MAPKAPK2: variants seen among roughly 807,000 people sequenced by gnomAD.
The protein encoded by MAPKAPK2 is MAPK activated protein kinase 2.
Under a neutral mutation model 48.8 loss-of-function variants are expected in MAPKAPK2, and 9 were observed. The observed-to-expected ratio is 0.18, with a 90% CI of 0.11 to 0.32. The LOEUF is 0.32. Among genes scored for constraint, MAPKAPK2 ranks in the 10% least tolerant of loss-of-function variants. The pLI, the probability that MAPKAPK2 is intolerant of heterozygous loss-of-function variation, is 1.00. For missense variants in MAPKAPK2, 331 were observed against 498.3 expected, an observed-to-expected ratio of 0.66 and a Z score of 3.20; for synonymous variants, 202 against 190.6, an observed-to-expected ratio of 1.06 and a Z score of -0.49.
In MAPKAPK2 at chr1:206,732,886, G is replaced by GCCTCTCCC; in HGVS notation, c.*168_*169insCCTCTCCC. 1.3e-6 allele frequency: 1 copy of GCCTCTCCC among 756,030 alleles called. No individual in the cohort carries two copies. Among genetic ancestry groups the GCCTCTCCC allele is most frequent in the Non-Finnish European group, 2.0e-6 (1 of 488,400 alleles). The allele number at this position is 756,030 out of a possible 1,614,324, so 46.8% of individuals were successfully genotyped here. On this transcript the variant is annotated 3_prime_UTR_variant, in exon 10 of 10. Transcript: ENST00000367103. This position sits in a 1 kb window ranked among gnomAD's most constrained non-coding sequence, Gnocchi z 4.4. Reference sequence around the variant, plus strand: ...TTCTGCCTTGGTTCTGGCCACCCCAGAGTGGGAGAGGCTGGGAGGTTGGGA... The same window carrying GCCTCTCCC: ...TTCTGCCTTGGTTCTGGCCACCCCAGCCTCTCCCAGTGGGAGAGGCTGGGAGGTTGGGA...
In MAPKAPK2 at chr1:206,728,928, A is replaced by G. The variant is rs556258970; in HGVS notation, c.419+79A>G. On this transcript the variant is annotated intron_variant, in intron 2 of 9. Coordinates refer to ENST00000367103, the MANE Select transcript of MAPKAPK2 (RefSeq NM_032960.4). Reference sequence around the variant, plus strand: ...GCACCTTACCCTCTGAGGACAGCCCAGGGATGGGCCTGAAGCCTGGAATGT... The same window carrying G: ...GCACCTTACCCTCTGAGGACAGCCCGGGGATGGGCCTGAAGCCTGGAATGT... The G allele has an allele frequency of 3.1e-6, 5 of 1,612,420 alleles. No homozygotes were observed. In the African/African-American group the frequency reaches 6.7e-5, roughly 22 times the overall value.
At position 206,713,161 on chromosome 1, in the gene MAPKAPK2, A is replaced by G. The variant is rs367657550; in HGVS notation, c.280-15549A>G. ...CCAAGAGGTACATGGTCCACAGTGA[A>G]AAGAGAAACCGTTTTATAAATCCCA... On this transcript the variant is annotated intron_variant, in intron 1 of 9. Transcript: ENST00000367103. Among the ~76,000 whole-genome samples the G allele has an allele frequency of 1.1e-3, 174 of 152,328 alleles. 1 individual carries two copies. Among genetic ancestry groups the G allele is most frequent in the African/African-American group, 4.1e-3 (170 of 41,582 alleles).
At chr1:206,727,280 C>T (rs1673730161) in intron 1 of MAPKAPK2, among the ~76,000 whole-genome samples, 1 of 152,214 alleles carries the variant, frequency 6.6e-6, no homozygotes, top group South Asian at 2.1e-4. Flanking sequence ...TTCATTTAAT[C>T]CTCACAACAA....
chr1:206,700,265 G>A (rs557936791), intron 1 of MAPKAPK2, among the ~76,000 whole-genome samples: 8 of 152,200 alleles, frequency 5.3e-5, no homozygotes, highest in Admixed American at 4.6e-4. Context: ...CCTTGAGAGA[G>A]AATCCTCTCC....
Position 206,732,366 on chromosome 1 carries a change from C to A in MAPKAPK2, c.1060-209C>A, listed in dbSNP as rs1384346879. ...GGGCTCTCAGGGAACAGCAGCAGTG[C>A]CATAGCCAGGCTCTCTGCTGCCCAG... On this transcript the variant is annotated intron_variant, in intron 9 of 9. Coordinates refer to ENST00000367103, the MANE Select transcript of MAPKAPK2 (RefSeq NM_032960.4). The surrounding 1 kb of genome is among the most constrained non-coding windows in gnomAD (Gnocchi z 4.4). 6.9e-7 allele frequency: 1 copy of A among 1,446,732 alleles called. No individual in the cohort carries two copies. Among genetic ancestry groups the A allele is most frequent in the Non-Finnish European group, 9.1e-7 (1 of 1,102,018 alleles). 89.6% of individuals were successfully genotyped at this position (1,446,732 alleles called of 1,614,324 possible).
At chr1:206,685,987 C>A (rs1657267032) in intron 1 of MAPKAPK2, among the ~76,000 whole-genome samples, 1 of 152,170 alleles carries the variant, frequency 6.6e-6, no homozygotes, top group Non-Finnish European at 1.5e-5. Flanking sequence ...TAGCCTCGCT[C>A]CTTATTTGGG....
intron 1 of MAPKAPK2, among the ~76,000 whole-genome samples, chr1:206,725,454 T>G (rs11119383): frequency 0.018 from 2,731 of 152,292 alleles, 83 homozygotes; most frequent in African/African-American, 0.061. Context: ...TACTGTGGCA[T>G]TAATGGTACT....
chr1:206,724,436 C>T (rs888634603), intron 1 of MAPKAPK2, among the ~76,000 whole-genome samples: 6 of 152,238 alleles, frequency 3.9e-5, no homozygotes, highest in South Asian at 2.1e-4. Flanking sequence ...GCCCCCAGGA[C>T]GTCAGCCAGC....
chr1:206,725,169 ACT>A (rs1200610715), intron 1 of MAPKAPK2, among the ~76,000 whole-genome samples: 1 of 152,084 alleles, frequency 6.6e-6, no homozygotes, highest in Non-Finnish European at 1.5e-5. Context: ...TCTTGCACAA[ACT>A]CTCCTTTGCC....
chr1:206,717,529 TG>T (rs1359146920), intron 1 of MAPKAPK2, among the ~76,000 whole-genome samples: 1 of 152,204 alleles, frequency 6.6e-6, no homozygotes, highest in African/African-American at 2.4e-5. Context: ...AGCAGTGGTT[TG>T]GGGCTTTGGG....
In MAPKAPK2 at chr1:206,734,192, C is replaced by T. The variant is rs1358510557; in HGVS notation, c.*1474C>T. 6.5e-6 allele frequency: 1 copy of T among 152,844 alleles called. No individual in the cohort carries two copies. The highest frequency in any genetic ancestry group is 1.5e-5 in the Non-Finnish European group (1 of 68,066). 9.5% of individuals were successfully genotyped at this position (152,844 alleles called of 1,614,324 possible). ...GGCGCTGGGTGCCTGCAGCGCCTCC[C>T]TTGTCTCAGATGGTGTGTCCAGCAC... On this transcript the variant is annotated 3_prime_UTR_variant, in exon 10 of 10. Coordinates refer to ENST00000367103, the MANE Select transcript of MAPKAPK2 (RefSeq NM_032960.4).
intron 1 of MAPKAPK2, among the ~76,000 whole-genome samples, chr1:206,715,009 A>G (rs1221299345): frequency 1.3e-5 from 2 of 152,112 alleles, no homozygotes; most frequent in Admixed American, 6.6e-5. Flanking sequence ...AACCACTGCC[A>G]GCAGTGGTTC....
chr1:206,731,842 T>A lies in MAPKAPK2; in HGVS notation c.982T>A (p.Ser328Thr), dbSNP rs782072519. ...GACCCCTTTTCTCTCTTCTCAGCAATCAACAAAGGTCCCTCAAACCCCACT... is the reference window on the plus strand; with the variant it reads ...GACCCCTTTTCTCTCTTCTCAGCAAACAACAAAGGTCCCTCAAACCCCACT... ...EFMNHPWIMQ[S>T]TKVPQTPLHT... The change falls in exon 9 of 10, where the codon TCA (serine) becomes ACA (threonine). Residue 328 changes from serine to threonine, a missense_variant. Coordinates refer to ENST00000367103, the MANE Select transcript of MAPKAPK2 (RefSeq NM_032960.4). The surrounding 1 kb of genome is among the most constrained non-coding windows in gnomAD (Gnocchi z 5.9). 1 of 1,613,904 alleles carries A rather than the reference T, an allele frequency of 6.2e-7. No individual in the cohort carries two copies. The highest frequency in any genetic ancestry group is 8.5e-7 in the Non-Finnish European group (1 of 1,179,964).
rs58379967 is a variant in MAPKAPK2, at chr1:206,712,962, T to TCACACACACACACACACACA, written c.280-15724_280-15705dup. ...GCCTGGGCGACAGAATGAGACTCCATCACACACACACACACACACACACAC... is the reference window on the plus strand; with the variant it reads ...GCCTGGGCGACAGAATGAGACTCCATCACACACACACACACACACACACACACACACACACACACACACAC... On this transcript the variant is annotated intron_variant, in intron 1 of 9. Coordinates refer to ENST00000367103, the MANE Select transcript of MAPKAPK2 (RefSeq NM_032960.4). Among the ~76,000 whole-genome samples, 1,005 of 112,260 alleles carry TCACACACACACACACACACA rather than the reference T, an allele frequency of 9.0e-3. 28 individuals carry two copies. The highest frequency in any genetic ancestry group is 0.017 in the Middle Eastern group (4 of 230). The allele number at this position is 112,260 out of a possible 152,430, so 73.6% of individuals were successfully genotyped here. A position where few individuals can be genotyped will look rare whatever the true frequency, so the allele number is the denominator to read the frequency against.
In MAPKAPK2 at chr1:206,731,383, A is replaced by C; in HGVS notation, c.892+121A>C. 6.6e-7 allele frequency: 1 copy of C among 1,526,126 alleles called. No homozygotes were observed. The highest frequency in any genetic ancestry group is 8.8e-7 in the Non-Finnish European group (1 of 1,130,314). 94.5% of individuals were successfully genotyped at this position (1,526,126 alleles called of 1,614,324 possible). On this transcript the variant is annotated intron_variant, in intron 7 of 9. Coordinates refer to ENST00000367103, the MANE Select transcript of MAPKAPK2 (RefSeq NM_032960.4). This position sits in a 1 kb window ranked among gnomAD's most constrained non-coding sequence, Gnocchi z 5.9. ...CATGTGCGTGGTGTAACTGTGGGTT[A>C]GCACCTATGCCCACGCCTGCGGGGT...
chr1:206,700,858 G>A (rs1270026053), intron 1 of MAPKAPK2, among the ~76,000 whole-genome samples: 1 of 152,204 alleles, frequency 6.6e-6, no homozygotes, highest in Non-Finnish European at 1.5e-5. Context: ...GAGAACGAGG[G>A]CTGCTTGCTC....
intron 1 of MAPKAPK2, among the ~76,000 whole-genome samples, chr1:206,727,180 C>T (rs565237716): frequency 2.3e-4 from 35 of 152,178 alleles, no homozygotes; most frequent in Non-Finnish European, 4.6e-4. Flanking sequence ...TATTTTGGCA[C>T]CTGCGCTTGC....
At chr1:206,695,424 A>G in intron 1 of MAPKAPK2, among the ~76,000 whole-genome samples, 1 of 149,442 alleles carries the variant, frequency 6.7e-6, no homozygotes, top group Non-Finnish European at 1.5e-5. Flanking sequence ...AGATATCCAC[A>G]TCTTTCCCAG....
chr1:206,706,977 C>G (rs560198444), intron 1 of MAPKAPK2, among the ~76,000 whole-genome samples: 4 of 152,136 alleles, frequency 2.6e-5, no homozygotes, highest in African/African-American at 9.7e-5. Context: ...CCGTCAGCCC[C>G]GAACAGCTTG....
Sources: gnomAD v4.1 joint callset for allele counts (sites outside exome capture counted in the v4.1 genomes callset) on GRCh38, gnomAD v4.1.1 for gene constraint, Gnocchi (gnomAD v3.1) non-coding constraint, MANE v1.5 for transcripts, NCBI Gene and HGNC (gene_info 2026-07-23, HGNC 2026-07-21) for gene names.